The following IQGAP2 variants were observed in gnomAD, a reference collection of about 807,000 sequenced individuals.
IQGAP2 encodes the protein ras GTPase-activating-like protein IQGAP2.
A neutral mutation model predicts 201.3 loss-of-function variants in IQGAP2; 173 were observed. The ratio of observed to expected loss-of-function variants is 0.86; its 90% CI spans 0.76 to 0.98. The LOEUF (loss-of-function observed/expected upper bound fraction) is 0.98. IQGAP2 is among the 50% of genes least tolerant of loss of function. The pLI is 0.00. For missense variants in IQGAP2, 1,687 were observed against 1,864.8 expected (o/e 0.90, Z 1.76); for synonymous variants, 675 against 673.9 (o/e 1.00, Z -0.03).
chr5:76,413,159 T>G (rs1394777111), intron 1 of IQGAP2, among the ~76,000 whole-genome samples: 1 of 18,358 alleles, frequency 5.4e-5, no homozygotes, highest in East Asian at 8.5e-3. Flanking sequence ...CTTTTCTCTT[T>G]TTTTTTTTTT....
chr5:76,670,850 T>G (rs910857148), intron 23 of IQGAP2, among the ~76,000 whole-genome samples: 3 of 152,254 alleles, frequency 2.0e-5, no homozygotes, highest in Non-Finnish European at 2.9e-5. Context: ...GGCATGGTAC[T>G]TGTACCGTGT....
At chr5:76,684,566 C>G (rs182228389) in intron 30 of IQGAP2, among the ~76,000 whole-genome samples, 1 of 152,136 alleles carries the variant, frequency 6.6e-6, no homozygotes, top group Non-Finnish European at 1.5e-5. Context: ...CAAAAGCACC[C>G]GCTGACCAAG....
intron 27 of IQGAP2, among the ~76,000 whole-genome samples, chr5:76,675,241 C>G (rs1207812207): frequency 2.0e-5 from 3 of 152,114 alleles, no homozygotes; most frequent in Non-Finnish European, 4.4e-5. Context: ...CCCACATATA[C>G]AAACAGATGA....
At chr5:76,673,754 G>C in intron 25 of IQGAP2, 165 bp downstream of exon 25, 2 of 773,432 alleles carry the variant, frequency 2.6e-6, no homozygotes, top group Non-Finnish European at 4.2e-6. Context: ...GTTCTCTAAA[G>C]AAGGGGCAAT....
rs765830622 is a variant in IQGAP2, at chr5:76,586,241, T to C, written c.459-2665T>C. On this transcript the variant is annotated intron_variant, in intron 5 of 35. Transcript: ENST00000274364. ...TGGGATTATGAATACATAATGGCTATTTCACTTTGAAGAATGTTCAAAGTC... is the reference window on the plus strand; with the variant it reads ...TGGGATTATGAATACATAATGGCTACTTCACTTTGAAGAATGTTCAAAGTC... Among the ~76,000 whole-genome samples the C allele has an allele frequency of 6.9e-4, 105 of 152,308 alleles. 1 individual carries two copies. Among genetic ancestry groups the C allele is most frequent in the Non-Finnish European group, 1.4e-3 (93 of 68,022 alleles).
At chr5:76,437,625 T>C (rs1328256416) in intron 1 of IQGAP2, among the ~76,000 whole-genome samples, 2 of 152,052 alleles carry the variant, frequency 1.3e-5, no homozygotes, top group Non-Finnish European at 2.9e-5. Context: ...GAACGTGTGG[T>C]GTTTGGTTTT....
chr5:76,694,601 A>G (rs1225139161), intron 31 of IQGAP2, among the ~76,000 whole-genome samples: 2 of 152,224 alleles, frequency 1.3e-5, no homozygotes, highest in African/African-American at 4.8e-5. Context: ...AAACATGTTA[A>G]GTGGGTACAT....
chr5:76,517,708 T>C (rs139427844), intron 2 of IQGAP2, among the ~76,000 whole-genome samples: 28 of 151,816 alleles, frequency 1.8e-4, no homozygotes, highest in Middle Eastern at 3.4e-3. Flanking sequence ...GGGAAGAGAG[T>C]TGGGTAGCAA....
chr5:76,513,383 C>A (rs10079855), intron 2 of IQGAP2, among the ~76,000 whole-genome samples: 31,519 of 152,168 alleles, frequency 0.21, 4,002 homozygotes, highest in African/African-American at 0.36. Flanking sequence ...CACCAAAACA[C>A]CACTCTTGAT....
chr5:76,539,253 C>T (rs144416807), intron 2 of IQGAP2, among the ~76,000 whole-genome samples: 21 of 152,306 alleles, frequency 1.4e-4, no homozygotes, highest in East Asian at 7.7e-4. Flanking sequence ...TGAACTGGAG[C>T]GGGAATATTC....
intron 1 of IQGAP2, among the ~76,000 whole-genome samples, chr5:76,427,340 C>T (rs1401357243): frequency 6.6e-6 from 1 of 152,158 alleles, no homozygotes; most frequent in Non-Finnish European, 1.5e-5. Context: ...ATACCATTTA[C>T]TGGACCAATT....
intron 13 of IQGAP2, among the ~76,000 whole-genome samples, chr5:76,624,993 G>C (rs1025446225): frequency 6.6e-6 from 1 of 152,216 alleles, no homozygotes; most frequent in African/African-American, 2.4e-5. Context: ...AGAATAGCTT[G>C]ACCCTGAGAG....
At chr5:76,492,117 C>T (rs192938273) in intron 2 of IQGAP2, among the ~76,000 whole-genome samples, 2 of 152,288 alleles carry the variant, frequency 1.3e-5, no homozygotes, top group East Asian at 3.9e-4. Flanking sequence ...TATGAATCTG[C>T]TGAGGTTGTG....
chr5:76,414,080 G>A (rs763396215), intron 1 of IQGAP2, among the ~76,000 whole-genome samples: 1 of 152,160 alleles, frequency 6.6e-6, no homozygotes, highest in East Asian at 1.9e-4. Flanking sequence ...CGAAAACCTG[G>A]GCCGCAACTC....
At chr5:76,545,916 ACTCT>A (rs1280617657) in intron 2 of IQGAP2, among the ~76,000 whole-genome samples, 2 of 151,854 alleles carry the variant, frequency 1.3e-5, no homozygotes, top group African/African-American at 2.4e-5. Context: ...ATTACTTCAC[ACTCT>A]CTCCTGTCAT....
chr5:76,477,218 G>T (rs1755487171), intron 2 of IQGAP2, among the ~76,000 whole-genome samples: 1 of 152,148 alleles, frequency 6.6e-6, no homozygotes, highest in Admixed American at 6.5e-5. Context: ...GTGCACGCCT[G>T]TAGTTTCAGC....
chr5:76,540,540 C>A (rs1171935369), intron 2 of IQGAP2, among the ~76,000 whole-genome samples: 1 of 152,126 alleles, frequency 6.6e-6, no homozygotes, highest in Non-Finnish European at 1.5e-5. Context: ...TGGAAGCCAA[C>A]AACGGACTGG....
At chr5:76,536,435 T>A (rs1759625140) in intron 2 of IQGAP2, among the ~76,000 whole-genome samples, 1 of 151,960 alleles carries the variant, frequency 6.6e-6, no homozygotes, top group Admixed American at 6.6e-5. Context: ...TCCTGTTAAA[T>A]TGTGTGCTGC....
chr5:76,527,429 C>G (rs1337224121), intron 2 of IQGAP2, among the ~76,000 whole-genome samples: 1 of 152,104 alleles, frequency 6.6e-6, no homozygotes, highest in East Asian at 1.9e-4. Flanking sequence ...ACTCAGTGCC[C>G]CCCATAGACC....
Sources: gnomAD v4.1 joint callset for allele counts (sites outside exome capture counted in the v4.1 genomes callset) on GRCh38, gnomAD v4.1.1 for gene constraint, MANE v1.5 for transcripts, NCBI Gene and HGNC (gene_info 2026-07-23, HGNC 2026-07-21) for gene names.